Variants in COG5 observed in about 807,000 individuals in gnomAD.
COG5 encodes conserved oligomeric Golgi complex subunit 5.
A neutral mutation model predicts 110.4 loss-of-function variants in COG5; 86 were observed. That is an observed-to-expected ratio of 0.78 (90% CI 0.65 to 0.93). COG5 has a LOEUF of 0.93. COG5 is among the 40% of genes least tolerant of loss of function. COG5 has a pLI of 0.00. For synonymous variants in COG5, 360 were observed against 334.6 expected, an observed-to-expected ratio of 1.08 and a Z score of -0.83; for missense variants, 1,077 against 987.0, an observed-to-expected ratio of 1.09 and a Z score of -1.22.
At chr7:107,362,161 G>T in intron 9 of COG5, 51 bp from the exon 10 acceptor site, 1 of 1,459,624 alleles carries the variant, frequency 6.9e-7, no homozygotes, top group South Asian at 1.2e-5. Flanking sequence ...CAAGAAAAGG[G>T]AAATGGCAAC....
At chr7:107,324,934 A>G (rs1340699756) in intron 10 of COG5, among the ~76,000 whole-genome samples, 2 of 152,212 alleles carry the variant, frequency 1.3e-5, no homozygotes, top group Admixed American at 6.5e-5. Flanking sequence ...TACTCTCATC[A>G]TCATTTTTTA....
intron 7 of COG5, among the ~76,000 whole-genome samples, chr7:107,401,743 C>A (rs565074619): frequency 6.6e-6 from 1 of 152,186 alleles, no homozygotes; most frequent in African/African-American, 2.4e-5. Flanking sequence ...GTTGTATAAT[C>A]CATGAGACAA....
chr7:107,345,864 C>T (rs1370006218), intron 10 of COG5, among the ~76,000 whole-genome samples: 1 of 152,068 alleles, frequency 6.6e-6, no homozygotes, highest in Non-Finnish European at 1.5e-5. Context: ...AACAAACAAA[C>T]CATATTTCAT....
At chr7:107,335,144 C>G (rs1209644920) in intron 10 of COG5, among the ~76,000 whole-genome samples, 1 of 152,144 alleles carries the variant, frequency 6.6e-6, no homozygotes, top group Admixed American at 6.5e-5. Context: ...TTCTTTGTAT[C>G]TTTTGTCATC....
chr7:107,365,804 G>T (rs1304001247), intron 8 of COG5, among the ~76,000 whole-genome samples: 1 of 151,974 alleles, frequency 6.6e-6, no homozygotes, highest in East Asian at 1.9e-4. Flanking sequence ...GCTTCTGAAT[G>T]ATGCAAATTT....
chr7:107,514,315 A>C (rs1268524500), intron 6 of COG5, among the ~76,000 whole-genome samples: 2 of 146,068 alleles, frequency 1.4e-5, no homozygotes, highest in East Asian at 4.0e-4. Flanking sequence ...TTTCTATATA[A>C]ACATGGCCTA....
At chr7:107,437,481 T>C (rs1482089927) in intron 6 of COG5, among the ~76,000 whole-genome samples, 1 of 152,186 alleles carries the variant, frequency 6.6e-6, no homozygotes, top group Non-Finnish European at 1.5e-5. Flanking sequence ...TGAATATGTC[T>C]TGCCTTTTAC....
chr7:107,392,990 T>C (rs1363803888), intron 7 of COG5, among the ~76,000 whole-genome samples: 1 of 152,220 alleles, frequency 6.6e-6, no homozygotes, highest in Non-Finnish European at 1.5e-5. Flanking sequence ...GGTCACTGTG[T>C]TCTCTGGGGA....
At chr7:107,506,446 T>C (rs2129140147) in intron 6 of COG5, among the ~76,000 whole-genome samples, 1 of 152,136 alleles carries the variant, frequency 6.6e-6, no homozygotes, top group East Asian at 1.9e-4. Flanking sequence ...TCTCCACAAG[T>C]GGGGCAAGCA....
rs1404593006 is a variant in COG5, at chr7:107,256,763, G to A, written c.1718C>T (p.Ala573Val). ...VVSSQSSFPL[A>V]AEQTIISALK... ...AGCTGAAATTATAGTTTGCTCAGCT[G>A]CCAGTGGGAATGAGCTCTGACTGGA... Residue 573 changes from alanine to valine, a missense_variant, in exon 16 of 22, where the codon GCA (alanine) becomes GTA (valine). Transcript: ENST00000297135. 1 of 1,611,004 alleles carries A rather than the reference G, an allele frequency of 6.2e-7. No individual in the cohort carries two copies.
At chr7:107,294,245 G>C (rs1806409376) in intron 12 of COG5, among the ~76,000 whole-genome samples, 1 of 151,996 alleles carries the variant, frequency 6.6e-6, no homozygotes, top group Non-Finnish European at 1.5e-5. Flanking sequence ...ATCTTAACCA[G>C]TCAGTCTTCC....
chr7:107,300,935 C>T (rs1035635641), intron 11 of COG5, among the ~76,000 whole-genome samples: 2 of 152,000 alleles, frequency 1.3e-5, no homozygotes, highest in Non-Finnish European at 2.9e-5. Context: ...TACACTAGTA[C>T]TGGGGTAAAG....
At chr7:107,256,543 G>C (rs992984240) in intron 16 of COG5, among the ~76,000 whole-genome samples, 189 bp downstream of exon 16, 2 of 151,878 alleles carry the variant, frequency 1.3e-5, no homozygotes, top group African/African-American at 2.4e-5. Flanking sequence ...ACACCAAAAG[G>C]GTCTATTTTT....
intron 6 of COG5, among the ~76,000 whole-genome samples, chr7:107,500,241 G>C (rs576291827): frequency 1.6e-4 from 24 of 152,260 alleles, no homozygotes; most frequent in African/African-American, 5.5e-4. Context: ...AACATATGAA[G>C]GGGGTTTTCA....
chr7:107,563,577 C>T, intron 1 of COG5: 1 of 475,974 alleles, frequency 2.1e-6, no homozygotes, highest in East Asian at 3.7e-5. Context: ...AAATGAGGAA[C>T]ACACAGAAAC....
chr7:107,202,737 CTATTTA>C lies in COG5; in HGVS notation c.*773_*778del, dbSNP rs1418851616. ...AGAAAATAAGGACTTAGATTATCTA[CTATTTA>C]TAGAGAATTGCTATACAATAAAAAT... is the stretch of plus-strand genomic sequence containing the variant. On this transcript the variant is annotated 3_prime_UTR_variant, in exon 22 of 22. Transcript: ENST00000297135. 6.6e-6 allele frequency: 1 copy of C among 152,128 alleles called. No individual in the cohort carries two copies. The highest frequency in any genetic ancestry group is 2.1e-4 in the South Asian group (1 of 4,836). 9.4% of individuals were successfully genotyped at this position (152,128 alleles called of 1,614,324 possible). A position where few individuals can be genotyped will look rare whatever the true frequency, so the allele number is the denominator to read the frequency against.
chr7:107,521,972 G>C (rs1235843584), intron 6 of COG5, among the ~76,000 whole-genome samples: 2 of 152,130 alleles, frequency 1.3e-5, no homozygotes, highest in Non-Finnish European at 2.9e-5. Flanking sequence ...CCTTGGCAGG[G>C]ACATGGATGA....
At chr7:107,413,323 A>C (rs558056758) in intron 6 of COG5, among the ~76,000 whole-genome samples, 3 of 152,028 alleles carry the variant, frequency 2.0e-5, no homozygotes, top group Admixed American at 6.6e-5. Context: ...GGCCTTCATC[A>C]TATTATATAA....
At position 107,214,845 on chromosome 7, in the gene COG5, G is replaced by A. The variant is rs543914147; in HGVS notation, c.2169-3620C>T. Among the ~76,000 whole-genome samples the A allele has an allele frequency of 4.6e-5, 7 of 151,726 alleles. No individual in the cohort carries two copies. The East Asian group carries it at 5.8e-4, about 13-fold the overall frequency. On this transcript the variant is annotated intron_variant, in intron 19 of 21. Coordinates refer to ENST00000297135, the MANE Select transcript of COG5 (RefSeq NM_006348.5). The stretch of plus-strand genomic sequence containing the variant: ...GCTGAATCATGAGAATCGCTTGAAC[G>A]GGGAGGTGGTGGTTGTAGTGAGCCA...
Sources: gnomAD v4.1 joint callset for allele counts (sites outside exome capture counted in the v4.1 genomes callset) on GRCh38, gnomAD v4.1.1 for gene constraint, MANE v1.5 for transcripts, NCBI Gene and HGNC (gene_info 2026-07-23, HGNC 2026-07-21) for gene names.